Variants in SATB2 observed in about 807,000 individuals in gnomAD.
The protein encoded by SATB2 is DNA-binding protein SATB2.
A neutral mutation model predicts 73.4 loss-of-function variants in SATB2; 1 was observed. The ratio of observed to expected loss-of-function variants is 0.01; its 90% CI spans 0.00 to 0.06. SATB2 has a LOEUF of 0.06. SATB2 is among the 10% of genes least tolerant of loss of function. SATB2 has a pLI of 1.00. For missense variants in SATB2, 459 were observed against 945.8 expected, an observed-to-expected ratio of 0.49 and a Z score of 6.75; for synonymous variants, 397 against 367.0, an observed-to-expected ratio of 1.08 and a Z score of -0.93.
intron 5 of SATB2, among the ~76,000 whole-genome samples, chr2:199,375,756 AAGGTGAGTAGTACTG>A (rs1689580721): frequency 6.6e-6 from 1 of 152,132 alleles, no homozygotes; most frequent in Admixed American, 6.5e-5. Flanking sequence ...TTTCTCACCT[AAGGTGAGTAGTACTG>A]GATGCCTCAC....
Position 199,338,575 on chromosome 2 carries a change from T to G in SATB2, c.1174-9665A>C, listed in dbSNP as rs1035917017. Among the ~76,000 whole-genome samples, 3 of 152,062 alleles carry G rather than the reference T, an allele frequency of 2.0e-5. No homozygotes were observed. The East Asian group carries it at 5.8e-4, about 29-fold the overall frequency. The stretch of plus-strand genomic sequence containing the variant: ...ACAGAGAAGCCTGAATTTTCTATAA[T>G]GAGTCTGGCAACTAATTTTTAAGAA... On this transcript the variant is annotated intron_variant, in intron 7 of 10. Coordinates refer to ENST00000417098, the MANE Select transcript of SATB2 (RefSeq NM_001172509.2).
intron 7 of SATB2, among the ~76,000 whole-genome samples, chr2:199,329,536 A>G: frequency 6.6e-6 from 1 of 151,844 alleles, no homozygotes; most frequent in East Asian, 1.9e-4. Context: ...TACAAAGGGC[A>G]CCCAAATCTT....
intron 2 of SATB2, among the ~76,000 whole-genome samples, chr2:199,434,224 T>C (rs1042538433): frequency 6.6e-6 from 1 of 152,146 alleles, no homozygotes; most frequent in Admixed American, 6.5e-5. Context: ...ATACAAAAGT[T>C]TGCCTATGTA....
chr2:199,345,434 A>T lies in SATB2; in HGVS notation c.1173+3267T>A, dbSNP rs73984086. ...CTATCCCTCCCCCCTCCCCCCACAA[A>T]CTCATATTTTCAATGACTGTTGCAC... On this transcript the variant is annotated intron_variant, in intron 7 of 10. Transcript: ENST00000417098. Among the ~76,000 whole-genome samples, 312 of 77,272 alleles carry T rather than the reference A, an allele frequency of 4.0e-3. 5 individuals are homozygous for T. The highest frequency in any genetic ancestry group is 0.015 in the African/African-American group (290 of 19,466). The allele number at this position is 77,272 out of a possible 152,430, so 50.7% of individuals were successfully genotyped here.
intron 7 of SATB2, among the ~76,000 whole-genome samples, chr2:199,332,978 G>A (rs1688231741): frequency 6.6e-6 from 1 of 152,032 alleles, no homozygotes; most frequent in Non-Finnish European, 1.5e-5. Context: ...ACTCCTGACA[G>A]CAACAGTTAA....
At chr2:199,310,430 G>A (rs1407587181) in intron 9 of SATB2, among the ~76,000 whole-genome samples, 2 of 152,036 alleles carry the variant, frequency 1.3e-5, no homozygotes, top group Non-Finnish European at 2.9e-5. Context: ...TCAATTGAAA[G>A]GCAGGTCATG....
chr2:199,379,140 C>A (rs1689690066), intron 5 of SATB2, among the ~76,000 whole-genome samples: 1 of 152,294 alleles, frequency 6.6e-6, no homozygotes, highest in African/African-American at 2.4e-5. Context: ...CAGCCCCAAT[C>A]CACCATAGGA....
At chr2:199,447,010 CAGTTTT>C (rs1457596847) in intron 2 of SATB2, among the ~76,000 whole-genome samples, 2 of 152,184 alleles carry the variant, frequency 1.3e-5, no homozygotes, top group African/African-American at 4.8e-5. Context: ...ACATTATCTG[CAGTTTT>C]AGTATCCCCA....
At position 199,272,718 on chromosome 2, in the gene SATB2, AC is replaced by A; in HGVS notation, c.1741-47del. 4 of 1,548,896 alleles carry A rather than the reference AC, an allele frequency of 2.6e-6. No individual in the cohort carries two copies. The highest frequency in any genetic ancestry group is 3.6e-6 in the Non-Finnish European group (4 of 1,120,842). On this transcript the variant is annotated intron_variant, in intron 10 of 10. Transcript: ENST00000417098. This position sits in a 1 kb window ranked among gnomAD's most constrained non-coding sequence, Gnocchi z 6.7. ...AAATGAACACTGGACTCATGATTTT[AC>A]CTTTCCAAAACCATCAGCCCTCTGA...
rs1172703154 is a variant in SATB2, at chr2:199,272,757, C to T, written c.1741-85G>A. The T allele has an allele frequency of 1.7e-5, 21 of 1,202,384 alleles. No homozygotes were observed. In the Admixed American group the frequency reaches 3.3e-4, roughly 19 times the overall value. The allele number at this position is 1,202,384 out of a possible 1,614,324, so 74.5% of individuals were successfully genotyped here. Reference sequence around the variant, plus strand: ...ATCAGCCCTCTGAAATATGTGTTATCTATCTAGCACTGGAGGTAAGCTATA... The same window carrying T: ...ATCAGCCCTCTGAAATATGTGTTATTTATCTAGCACTGGAGGTAAGCTATA... On this transcript the variant is annotated intron_variant, in intron 10 of 10. Transcript: ENST00000417098. This position sits in a 1 kb window ranked among gnomAD's most constrained non-coding sequence, Gnocchi z 6.7.
intron 3 of SATB2, among the ~76,000 whole-genome samples, chr2:199,390,452 C>A (rs1690096397): frequency 6.6e-6 from 1 of 152,138 alleles, no homozygotes; most frequent in South Asian, 2.1e-4. Context: ...TTAAAAAACT[C>A]ATGGTGGCAG....
At chr2:199,334,426 T>C (rs1440413331) in intron 7 of SATB2, among the ~76,000 whole-genome samples, 1 of 152,156 alleles carries the variant, frequency 6.6e-6, no homozygotes, top group Non-Finnish European at 1.5e-5. Context: ...AACCAATTAG[T>C]AAAGTTAAAA....
At chr2:199,305,297 T>G (rs1687398236) in intron 10 of SATB2, among the ~76,000 whole-genome samples, 1 of 152,056 alleles carries the variant, frequency 6.6e-6, no homozygotes, top group Non-Finnish European at 1.5e-5. Flanking sequence ...ACTTTCTAGA[T>G]TTTATGTGAT....
intron 7 of SATB2, among the ~76,000 whole-genome samples, chr2:199,345,046 C>T (rs1401908954): frequency 6.6e-6 from 1 of 152,094 alleles, no homozygotes; most frequent in Non-Finnish European, 1.5e-5. Context: ...GTCCTCTATA[C>T]TCTCACTACT....
At chr2:199,294,288 C>T (rs959827391) in intron 10 of SATB2, among the ~76,000 whole-genome samples, 4 of 152,124 alleles carry the variant, frequency 2.6e-5, no homozygotes, top group African/African-American at 9.7e-5. Context: ...GCCACCTCTA[C>T]TACATCTGTA....
At chr2:199,346,156 CTTTTTT>C (rs1050884316) in intron 7 of SATB2, among the ~76,000 whole-genome samples, 1 of 144,960 alleles carries the variant, frequency 6.9e-6, no homozygotes, top group African/African-American at 2.5e-5. Flanking sequence ...TTTTCTTTTT[CTTTTTT>C]TTTTTTGAGA....
At position 199,308,224 on chromosome 2, in the gene SATB2, A is replaced by G. The variant is rs142985614; in HGVS notation, c.1740+536T>C. Among the ~76,000 whole-genome samples, 1 of 152,316 alleles carries G rather than the reference A, an allele frequency of 6.6e-6. No homozygotes were observed. The highest frequency in any genetic ancestry group is 1.9e-4 in the East Asian group (1 of 5,178). On this transcript the variant is annotated intron_variant, in intron 10 of 10. Coordinates refer to ENST00000417098, the MANE Select transcript of SATB2 (RefSeq NM_001172509.2). The surrounding 1 kb of genome is among the most constrained non-coding windows in gnomAD (Gnocchi z 4.6). The stretch of plus-strand genomic sequence containing the variant: ...GAAGGCAGATTTCTAAATGAGATGT[A>G]ACCAAAGACAGCAAAAACTCATCTT...
chr2:199,366,897 C>T (rs1263807300), intron 6 of SATB2, among the ~76,000 whole-genome samples: 4 of 116,670 alleles, frequency 3.4e-5, no homozygotes, highest in Non-Finnish European at 5.8e-5. Flanking sequence ...TGTTAATGTG[C>T]GAATGCACAC....
At chr2:199,367,258 T>C (rs1258323350) in intron 6 of SATB2, among the ~76,000 whole-genome samples, 1 of 152,180 alleles carries the variant, frequency 6.6e-6, no homozygotes, top group Non-Finnish European at 1.5e-5. Flanking sequence ...GGGTGAATAT[T>C]AATATGCGAA....
Sources: allele counts gnomAD v4.1 joint callset (sites outside exome capture counted in the v4.1 genomes callset), GRCh38; gene constraint gnomAD v4.1.1; non-coding constraint Gnocchi (gnomAD v3.1); transcripts MANE v1.5; gene names NCBI Gene and HGNC (gene_info 2026-07-23, HGNC 2026-07-21).